SYN3: variants seen among roughly 807,000 people sequenced by gnomAD.
SYN3 encodes synapsin-3.
SYN3 carries 35 observed loss-of-function variants against 65.8 expected under a neutral mutation model. The observed-to-expected ratio is 0.53, with a 90% CI of 0.41 to 0.70. The LOEUF (loss-of-function observed/expected upper bound fraction) is 0.70. SYN3 is among the 30% of genes least tolerant of loss of function. The pLI, the probability that SYN3 is intolerant of heterozygous loss-of-function variation, is 0.00. For synonymous variants in SYN3, 270 were observed against 292.9 expected, an observed-to-expected ratio of 0.92 and a Z score of 0.80; for missense variants, 680 against 749.0, an observed-to-expected ratio of 0.91 and a Z score of 1.08.
chr22:32,833,592 T>C (rs2047641666), intron 6 of SYN3, among the ~76,000 whole-genome samples: 1 of 152,174 alleles, frequency 6.6e-6, no homozygotes, highest in Non-Finnish European at 1.5e-5. Flanking sequence ...CTGTGAAATG[T>C]GCCCATGCCA....
At chr22:32,569,537 ATCTCTCTCTCTCTC>A (rs142418236) in intron 7 of SYN3, among the ~76,000 whole-genome samples, 1,317 of 113,480 alleles carry the variant, frequency 0.012, 33 homozygotes, top group African/African-American at 0.035. Flanking sequence ...AAATCAATCA[ATCTCTCTCTCTCTC>A]TCTCTCTCTC....
chr22:32,753,861 G>A (rs2045213629), intron 6 of SYN3, among the ~76,000 whole-genome samples: 1 of 152,170 alleles, frequency 6.6e-6, no homozygotes, highest in Non-Finnish European at 1.5e-5. Flanking sequence ...GCCAATGAGA[G>A]AGCCAGGGGC....
intron 6 of SYN3, among the ~76,000 whole-genome samples, chr22:32,769,696 T>C (rs1298065501): frequency 1.3e-5 from 2 of 152,164 alleles, no homozygotes; most frequent in Non-Finnish European, 2.9e-5. Flanking sequence ...TTTGTATTTT[T>C]AGTAGAGATG....
At chr22:32,630,176 G>T (rs2059728127) in intron 6 of SYN3, among the ~76,000 whole-genome samples, 1 of 151,898 alleles carries the variant, frequency 6.6e-6, no homozygotes, top group Non-Finnish European at 1.5e-5. Flanking sequence ...TAGAGACGGG[G>T]TTTCACCATG....
chr22:32,849,431 T>C (rs1569273709), intron 6 of SYN3: 1 of 1,611,430 alleles, frequency 6.2e-7, no homozygotes, highest in Non-Finnish European at 8.5e-7. Flanking sequence ...AACCTCTTAT[T>C]GTCTCCTTCT....
intron 7 of SYN3, among the ~76,000 whole-genome samples, chr22:32,560,828 T>C (rs1029980131): frequency 1.3e-5 from 2 of 152,166 alleles, no homozygotes; most frequent in Non-Finnish European, 2.9e-5. Flanking sequence ...AGGGACCTGT[T>C]GGAAGCCCAC....
rs916382005 is a variant in SYN3, at chr22:32,898,185, G to A, written c.462-29060C>T. Among the ~76,000 whole-genome samples the A allele has an allele frequency of 7.9e-5, 12 of 152,210 alleles. No individual in the cohort carries two copies. The South Asian group carries it at 2.3e-3, about 29-fold the overall frequency. The stretch of plus-strand genomic sequence containing the variant: ...TAATTTTTGTATTTTTAGTAGAGAC[G>A]GAGTTTCACCATGTTGGTCAGGCGG... On this transcript the variant is annotated intron_variant, in intron 4 of 13. Coordinates refer to ENST00000358763, the MANE Select transcript of SYN3 (RefSeq NM_003490.4).
chr22:32,935,422 T>A (rs1343605304), intron 3 of SYN3, among the ~76,000 whole-genome samples: 1 of 151,958 alleles, frequency 6.6e-6, no homozygotes. Flanking sequence ...ACAAATTATT[T>A]TGACCTCTAA....
At chr22:33,034,923 CTT>C (rs1482922845) in intron 1 of SYN3, among the ~76,000 whole-genome samples, 1 of 152,126 alleles carries the variant, frequency 6.6e-6, no homozygotes, top group East Asian at 1.9e-4. Context: ...ATAGGGTTCT[CTT>C]TGATACCTGA....
At chr22:32,849,771 G>A (rs1006916742) in intron 6 of SYN3, among the ~76,000 whole-genome samples, 1 of 152,152 alleles carries the variant, frequency 6.6e-6, no homozygotes, top group Admixed American at 6.5e-5. Context: ...CAAGGCACTT[G>A]TTAGGAAGCT....
intron 13 of SYN3, among the ~76,000 whole-genome samples, chr22:32,515,791 G>A (rs1302150607): frequency 6.6e-6 from 1 of 151,868 alleles, no homozygotes; most frequent in Non-Finnish European, 1.5e-5. Flanking sequence ...GAAGAAACTC[G>A]GTGCTCCAGG....
intron 6 of SYN3, among the ~76,000 whole-genome samples, chr22:32,733,111 A>C (rs907275034): frequency 2.0e-5 from 3 of 152,216 alleles, no homozygotes; most frequent in Non-Finnish European, 4.4e-5. Flanking sequence ...ATCCCTTTAC[A>C]CAGTGGCTGA....
At chr22:32,768,758 T>C (rs963020847) in intron 6 of SYN3, among the ~76,000 whole-genome samples, 3 of 152,322 alleles carry the variant, frequency 2.0e-5, no homozygotes, top group Middle Eastern at 3.4e-3. Flanking sequence ...TTCATTCTCC[T>C]ACTCTTCCAG....
intron 7 of SYN3, among the ~76,000 whole-genome samples, chr22:32,595,426 C>T (rs2059185347): frequency 6.6e-6 from 1 of 152,214 alleles, no homozygotes; most frequent in African/African-American, 2.4e-5. Flanking sequence ...CTATCTCAGA[C>T]ATCCTAATAT....
Position 32,738,707 on chromosome 22 carries a change from GAA to G in SYN3, c.711+126206_711+126207del, listed in dbSNP as rs562360519. ...AGAGAAGGGAAAACAGAACATTCCA[GAA>G]TAAAAGAACAGCAGGCAAAGACATG... On this transcript the variant is annotated intron_variant, in intron 6 of 13. Coordinates refer to ENST00000358763, the MANE Select transcript of SYN3 (RefSeq NM_003490.4). 1.1e-4 allele frequency among the ~76,000 whole-genome samples: 16 copies of G among 152,300 alleles called. 1 individual carries two copies. The South Asian group carries it at 3.3e-3, about 32-fold the overall frequency.
intron 6 of SYN3, among the ~76,000 whole-genome samples, chr22:32,817,119 T>C (rs2047107471): frequency 6.6e-6 from 1 of 151,514 alleles, no homozygotes; most frequent in Admixed American, 6.6e-5. Context: ...TCTTGAGGCT[T>C]AGGTGGGAGA....
At chr22:32,761,033 C>T (rs2045464620) in intron 6 of SYN3, among the ~76,000 whole-genome samples, 2 of 152,156 alleles carry the variant, frequency 1.3e-5, no homozygotes, top group African/African-American at 4.8e-5. Flanking sequence ...CCGGGGTACA[C>T]GGTGTCCCAG....
chr22:32,679,786 T>C (rs2060495958), intron 6 of SYN3, among the ~76,000 whole-genome samples: 1 of 150,360 alleles, frequency 6.7e-6, no homozygotes, highest in African/African-American at 2.4e-5. Context: ...TTTGGAGAAA[T>C]ATCTATTCAA....
intron 4 of SYN3, among the ~76,000 whole-genome samples, chr22:32,926,621 T>C (rs1364451331): frequency 6.6e-6 from 1 of 152,244 alleles, no homozygotes; most frequent in African/African-American, 2.4e-5. Flanking sequence ...CCCCTTTCTT[T>C]AACTTTCAAA....
Sources: gnomAD v4.1 joint callset for allele counts (sites outside exome capture counted in the v4.1 genomes callset) on GRCh38, gnomAD v4.1.1 for gene constraint, MANE v1.5 for transcripts, NCBI Gene and HGNC (gene_info 2026-07-23, HGNC 2026-07-21) for gene names.